Variants in CACNA1D observed in about 807,000 individuals in gnomAD.
CACNA1D encodes the protein voltage-dependent L-type calcium channel subunit alpha-1D.
A neutral mutation model predicts 257.1 loss-of-function variants in CACNA1D; 55 were observed. That is an observed-to-expected ratio of 0.21 (90% CI 0.17 to 0.27). CACNA1D has a LOEUF of 0.27. Among genes scored for constraint, CACNA1D ranks in the 10% least tolerant of loss-of-function variants. The pLI is 1.00. For missense variants in CACNA1D, 1,876 were observed against 2,784.0 expected (o/e 0.67, Z 7.34); for synonymous variants, 980 against 1,014.9 (o/e 0.97, Z 0.65).
chr3:53,703,258 G>A (rs979863820), intron 9 of CACNA1D, among the ~76,000 whole-genome samples: 4 of 152,172 alleles, frequency 2.6e-5, no homozygotes, highest in Admixed American at 1.3e-4. Flanking sequence ...GCTCCTACAT[G>A]TGCTATTCAT....
At chr3:53,731,922 C>A in intron 17 of CACNA1D, 94 bp from the exon 18 acceptor site, 1 of 814,972 alleles carries the variant, frequency 1.2e-6, no homozygotes, top group Non-Finnish European at 2.2e-6. Flanking sequence ...GGGGAGGAAT[C>A]CATGCCCTAT....
chr3:53,511,700 G>GA (rs1280272369), intron 3 of CACNA1D, among the ~76,000 whole-genome samples: 2 of 152,050 alleles, frequency 1.3e-5, no homozygotes, highest in Admixed American at 1.3e-4. Context: ...CTGGGAAGAT[G>GA]AAAAAAGAGT....
Position 53,811,758 on chromosome 3 carries a change from A to C in CACNA1D, c.*352A>C, listed in dbSNP as rs2106928615. On this transcript the variant is annotated 3_prime_UTR_variant, in exon 48 of 48. Transcript: ENST00000350061. This position sits in a 1 kb window ranked among gnomAD's most constrained non-coding sequence, Gnocchi z 4.2. ...TGTACCAGGGCACCAGGCCCACCCA[A>C]CTGAAGGCATGGCGGCGGGGTGCAG... 2 of 193,226 alleles carry C rather than the reference A, an allele frequency of 1.0e-5. No individual in the cohort carries two copies. Among genetic ancestry groups the C allele is most frequent in the Non-Finnish European group, 2.1e-5 (2 of 94,668 alleles). 12.0% of individuals were successfully genotyped at this position (193,226 alleles called of 1,614,324 possible).
At chr3:53,605,868 C>T (rs2093503407) in intron 3 of CACNA1D, among the ~76,000 whole-genome samples, 1 of 152,154 alleles carries the variant, frequency 6.6e-6, no homozygotes. Flanking sequence ...CCCTAGAGGC[C>T]CTGGGTCCCA....
intron 30 of CACNA1D, chr3:53,766,130 C>A (rs1213233981): frequency 6.6e-6 from 1 of 152,204 alleles, no homozygotes; most frequent in Non-Finnish European, 1.5e-5. Context: ...TTTGAAGGAG[C>A]AGGTAAAAAG....
At chr3:53,566,489 G>GC (rs750101057) in intron 3 of CACNA1D, among the ~76,000 whole-genome samples, 2 of 152,086 alleles carry the variant, frequency 1.3e-5, no homozygotes, top group Non-Finnish European at 2.9e-5. Context: ...ATCTCTGCCA[G>GC]CCCTCCCTGA....
intron 3 of CACNA1D, among the ~76,000 whole-genome samples, chr3:53,596,123 C>T (rs933957798): frequency 3.3e-5 from 5 of 152,090 alleles, no homozygotes; most frequent in Non-Finnish European, 5.9e-5. Context: ...TGTGCTGTAT[C>T]ACAGTTCTCT....
intron 40 of CACNA1D, among the ~76,000 whole-genome samples, chr3:53,794,218 G>C: frequency 6.6e-6 from 1 of 152,212 alleles, no homozygotes; most frequent in East Asian, 1.9e-4. Flanking sequence ...ATCGTGGCTT[G>C]TTATTTAGTA....
intron 3 of CACNA1D, among the ~76,000 whole-genome samples, chr3:53,649,013 A>T (rs1446405030): frequency 6.6e-6 from 1 of 152,122 alleles, no homozygotes; most frequent in Admixed American, 6.5e-5. Context: ...GGGGGCAAAG[A>T]CTGGGATGCA....
chr3:53,763,027 C>T lies in CACNA1D; in HGVS notation c.3870+946C>T, dbSNP rs577587018. On this transcript the variant is annotated intron_variant, in intron 30 of 47. Transcript: ENST00000350061. ...AGTTACTGATGTGCACCCTCGTCCC[C>T]GCAATGGTTCTGTGAGGGCACAGGC... Among the ~76,000 whole-genome samples the T allele has an allele frequency of 7.2e-5, 11 of 152,324 alleles. No individual in the cohort carries two copies. In the East Asian group the frequency reaches 7.7e-4, roughly 11 times the overall value.
chr3:53,632,782 G>A (rs2093836428), intron 3 of CACNA1D, among the ~76,000 whole-genome samples: 1 of 152,208 alleles, frequency 6.6e-6, no homozygotes, highest in Non-Finnish European at 1.5e-5. Context: ...GCTGGTTGGT[G>A]GAGCAGTCAG....
intron 15 of CACNA1D, 64 bp from the exon 16 acceptor site, chr3:53,730,378 G>A: frequency 9.4e-7 from 1 of 1,065,626 alleles, no homozygotes; most frequent in Non-Finnish European, 1.5e-6. Context: ...GTGTGGCGTT[G>A]CCATTGTTGG....
chr3:53,657,572 C>CA (rs939552841), intron 4 of CACNA1D, among the ~76,000 whole-genome samples: 22 of 151,030 alleles, frequency 1.5e-4, no homozygotes, highest in East Asian at 1.9e-4. Flanking sequence ...ATTTAAAATG[C>CA]AAAAAAAAGG....
chr3:53,542,205 G>GTT (rs200946665), intron 3 of CACNA1D, among the ~76,000 whole-genome samples: 2 of 147,252 alleles, frequency 1.4e-5, no homozygotes, highest in Admixed American at 6.8e-5. Context: ...AAAAATGCAG[G>GTT]TTTTTTTTTT....
At chr3:53,642,488 G>C (rs2093968844) in intron 3 of CACNA1D, among the ~76,000 whole-genome samples, 1 of 152,238 alleles carries the variant, frequency 6.6e-6, no homozygotes. Context: ...AGGTCAGGGT[G>C]CTGTTACCCT....
chr3:53,665,040 G>A (rs1286310808), intron 5 of CACNA1D, among the ~76,000 whole-genome samples: 1 of 152,152 alleles, frequency 6.6e-6, no homozygotes, highest in Non-Finnish European at 1.5e-5. Context: ...ATTGCCCTCA[G>A]CAAACCTGGC....
Position 53,512,796 on chromosome 3 carries a change from T to A in CACNA1D, c.483+11076T>A, listed in dbSNP as rs1246816062. On this transcript the variant is annotated intron_variant, in intron 3 of 47. Transcript: ENST00000350061. ...AGTCAACTTTTCATTATCTCTTCAATTATTTTCTTTGTGTAGTATTAGGTC... is the reference window on the plus strand; with the variant it reads ...AGTCAACTTTTCATTATCTCTTCAAATATTTTCTTTGTGTAGTATTAGGTC... Among the ~76,000 whole-genome samples the A allele has an allele frequency of 2.0e-5, 3 of 152,242 alleles. No homozygotes were observed. The East Asian group carries it at 5.8e-4, about 29-fold the overall frequency.
intron 3 of CACNA1D, among the ~76,000 whole-genome samples, chr3:53,560,852 A>G (rs1054589971): frequency 1.3e-5 from 2 of 152,214 alleles, no homozygotes; most frequent in African/African-American, 4.8e-5. Context: ...GGATGGCTCT[A>G]TGGCCCTGAT....
intron 3 of CACNA1D, among the ~76,000 whole-genome samples, chr3:53,559,026 T>G (rs1378845287): frequency 6.6e-6 from 1 of 152,124 alleles, no homozygotes; most frequent in Non-Finnish European, 1.5e-5. Context: ...TTTAGTATTT[T>G]CTTACAGATC....
Sources: gnomAD v4.1 joint callset for allele counts (sites outside exome capture counted in the v4.1 genomes callset) on GRCh38, gnomAD v4.1.1 for gene constraint, Gnocchi (gnomAD v3.1) non-coding constraint, MANE v1.5 for transcripts, NCBI Gene and HGNC (gene_info 2026-07-23, HGNC 2026-07-21) for gene names.